Variants in GALNT2 observed in about 807,000 individuals in gnomAD.
GALNT2 encodes the protein polypeptide N-acetylgalactosaminyltransferase 2, also known as UDP-GalNAc:polypeptide N-acetylgalactosaminyltransferase 2.
Under a neutral mutation model 81.4 loss-of-function variants are expected in GALNT2, and 31 were observed. The ratio of observed to expected loss-of-function variants is 0.38; its 90% CI spans 0.29 to 0.51. The LOEUF is 0.51. Among genes scored for constraint, GALNT2 ranks in the 20% least tolerant of loss-of-function variants. The probability of loss-of-function intolerance (pLI) is 0.87; values close to 1 mark genes in which losing one functional copy is unlikely to be tolerated. For synonymous variants in GALNT2, 303 were observed against 287.4 expected (o/e 1.05, Z -0.55); for missense variants, 629 against 765.7 (o/e 0.82, Z 2.11).
chr1:230,141,088 G>C (rs549322583), intron 1 of GALNT2, among the ~76,000 whole-genome samples: 1 of 152,188 alleles, frequency 6.6e-6, no homozygotes, highest in African/African-American at 2.4e-5. Flanking sequence ...AAGACATTCT[G>C]TTTCTTCAAG....
chr1:230,082,597 A>G (rs1017732918), intron 1 of GALNT2, among the ~76,000 whole-genome samples: 2 of 152,170 alleles, frequency 1.3e-5, no homozygotes, highest in Non-Finnish European at 2.9e-5. Flanking sequence ...TGTATCATTT[A>G]TTTATTTCGG....
chr1:230,130,910 G>A (rs1013900204), intron 1 of GALNT2, among the ~76,000 whole-genome samples: 1 of 152,184 alleles, frequency 6.6e-6, no homozygotes, highest in African/African-American at 2.4e-5. Flanking sequence ...ACCCGTGACT[G>A]CCCTGCGTCT....
chr1:230,162,645 T>G (rs1176906943), intron 1 of GALNT2, among the ~76,000 whole-genome samples: 1 of 152,176 alleles, frequency 6.6e-6, no homozygotes, highest in African/African-American at 2.4e-5. Context: ...GCTCTAACTT[T>G]CCCTCTGCCT....
chr1:230,256,787 G>A (rs1435072676), intron 11 of GALNT2, among the ~76,000 whole-genome samples: 1 of 152,202 alleles, frequency 6.6e-6, no homozygotes, highest in Non-Finnish European at 1.5e-5. Context: ...CTTGAGTGTA[G>A]ACAGCAAAAC....
At chr1:230,253,724 G>T (rs954135039) in intron 10 of GALNT2, among the ~76,000 whole-genome samples, 8 of 152,042 alleles carry the variant, frequency 5.3e-5, no homozygotes, top group Non-Finnish European at 1.2e-4. Flanking sequence ...TTGAAACTCT[G>T]TATATATTAT....
chr1:230,155,261 G>A (rs1662213107), intron 1 of GALNT2, among the ~76,000 whole-genome samples: 1 of 152,218 alleles, frequency 6.6e-6, no homozygotes, highest in East Asian at 1.9e-4. Flanking sequence ...GAGAGCCCTT[G>A]TGCTGGCTCC....
At chr1:230,146,363 A>C (rs945871201) in intron 1 of GALNT2, among the ~76,000 whole-genome samples, 1 of 151,962 alleles carries the variant, frequency 6.6e-6, no homozygotes, top group African/African-American at 2.4e-5. Flanking sequence ...TTCCTCTTTC[A>C]GTTTTGTTTT....
chr1:230,083,831 G>A (rs1304276424), intron 1 of GALNT2, among the ~76,000 whole-genome samples: 2 of 152,126 alleles, frequency 1.3e-5, no homozygotes, highest in Admixed American at 1.3e-4. Context: ...GGAAATCCTG[G>A]TGGGCCTCTG....
At chr1:230,095,734 T>C (rs1256135537) in intron 1 of GALNT2, among the ~76,000 whole-genome samples, 1 of 152,202 alleles carries the variant, frequency 6.6e-6, no homozygotes, top group Non-Finnish European at 1.5e-5. Context: ...ACACTGGGCG[T>C]GGTGCAGGCT....
upstream of GALNT2, among the ~76,000 whole-genome samples, chr1:230,062,635 T>C (rs553446336): frequency 2.1e-4 from 32 of 152,346 alleles, no homozygotes; most frequent in African/African-American, 7.2e-4. Flanking sequence ...TCTCGCTCAT[T>C]TCATCTAGCA....
chr1:230,232,302 C>A (rs1156684171), intron 3 of GALNT2, among the ~76,000 whole-genome samples: 1 of 152,090 alleles, frequency 6.6e-6, no homozygotes, highest in Non-Finnish European at 1.5e-5. Context: ...AATGCCAGTT[C>A]TCAGCAAAAA....
At chr1:230,224,907 C>T (rs757662822) in intron 3 of GALNT2, among the ~76,000 whole-genome samples, 11 of 152,228 alleles carry the variant, frequency 7.2e-5, no homozygotes, top group Non-Finnish European at 1.3e-4. Flanking sequence ...AATGCAGAAG[C>T]CTGCGGTATT....
In GALNT2 at chr1:230,234,954, CG is replaced by C. The variant is rs1297412474; in HGVS notation, c.375-1058del. On this transcript the variant is annotated intron_variant, in intron 3 of 15. Transcript: ENST00000366672. Reference sequence around the variant, plus strand: ...TCTGACTGAGCACAGTGGCTCATGCCGGTAATCCTAGCACTTCAGAAAGCTG... The same window carrying C: ...TCTGACTGAGCACAGTGGCTCATGCCGTAATCCTAGCACTTCAGAAAGCTG... Among the ~76,000 whole-genome samples the C allele has an allele frequency of 2.8e-4, 42 of 152,062 alleles. 1 individual carries two copies. The highest frequency in any genetic ancestry group is 9.7e-4 in the African/African-American group (40 of 41,384).
chr1:230,220,003 C>T (rs571163234), intron 3 of GALNT2, among the ~76,000 whole-genome samples: 2 of 152,306 alleles, frequency 1.3e-5, no homozygotes, highest in East Asian at 3.9e-4. Flanking sequence ...AGACAGTTCT[C>T]TAATTCCTCA....
intron 1 of GALNT2, among the ~76,000 whole-genome samples, chr1:230,079,951 A>G (rs1250807770): frequency 6.6e-6 from 1 of 152,220 alleles, no homozygotes; most frequent in Admixed American, 6.5e-5. Context: ...GTCACTAAGC[A>G]TTTGCCTAGG....
intron 1 of GALNT2, among the ~76,000 whole-genome samples, chr1:230,129,108 G>C (rs1661288189): frequency 1.3e-5 from 2 of 152,228 alleles, no homozygotes; most frequent in Admixed American, 6.5e-5. Context: ...ATTTTATGAT[G>C]AGTTTGCTGT....
At chr1:230,097,177 C>T (rs1383959565) in intron 1 of GALNT2, among the ~76,000 whole-genome samples, 1 of 152,190 alleles carries the variant, frequency 6.6e-6, no homozygotes, top group African/African-American at 2.4e-5. Context: ...GCGGTTTGCT[C>T]AGGAGATAGA....
At chr1:230,273,317 TCATACAGGTGTG>T (rs775107137) in intron 14 of GALNT2, among the ~76,000 whole-genome samples, 2 of 152,168 alleles carry the variant, frequency 1.3e-5, no homozygotes, top group Non-Finnish European at 2.9e-5. Context: ...AGCGCCGGTG[TCATACAGGTGTG>T]CAGCAGGTGG....
At position 230,193,065 on chromosome 1, in the gene GALNT2, C is replaced by T. The variant is rs1018306471; in HGVS notation, c.221-10072C>T. Reference sequence around the variant, plus strand: ...AGTAAAATTACATTCAATTTGAGATCAACCAAATAAATCTGAGAGCCTTGT... The same window carrying T: ...AGTAAAATTACATTCAATTTGAGATTAACCAAATAAATCTGAGAGCCTTGT... On this transcript the variant is annotated intron_variant, in intron 2 of 15. Transcript: ENST00000366672. The surrounding 1 kb of genome is among the most constrained non-coding windows in gnomAD (Gnocchi z 4.3). Among the ~76,000 whole-genome samples the T allele has an allele frequency of 6.6e-5, 10 of 152,176 alleles. No individual in the cohort carries two copies. Among genetic ancestry groups the T allele is most frequent in the Admixed American group, 5.2e-4 (8 of 15,288 alleles).
Sources: gnomAD v4.1 joint callset for allele counts (sites outside exome capture counted in the v4.1 genomes callset) on GRCh38, gnomAD v4.1.1 for gene constraint, Gnocchi (gnomAD v3.1) non-coding constraint, MANE v1.5 for transcripts, NCBI Gene and HGNC (gene_info 2026-07-23, HGNC 2026-07-21) for gene names.